The following UBE2E2 variants were observed in gnomAD, a reference collection of about 807,000 sequenced individuals.
UBE2E2 encodes the protein ubiquitin-conjugating enzyme E2 E2.
In UBE2E2, 6 loss-of-function variants were observed where a neutral mutation model predicts 24.7. The ratio of observed to expected loss-of-function variants is 0.24; its 90% confidence interval spans 0.13 to 0.48. The LOEUF (loss-of-function observed/expected upper bound fraction) is 0.48, where lower values mean the gene tolerates loss of function less well. Ranked by LOEUF, UBE2E2 falls within the 20% of genes least tolerant of loss-of-function variation. UBE2E2 has a pLI of 0.99. For missense variants in UBE2E2, 169 were observed against 245.0 expected, an observed-to-expected ratio of 0.69 and a Z score of 2.07; for synonymous variants, 104 against 83.6, an observed-to-expected ratio of 1.24 and a Z score of -1.33.
At position 23,208,550 on chromosome 3, in the gene UBE2E2, A is replaced by T. The variant is rs142834122; in HGVS notation, c.-8-142A>T. 19 of 579,130 alleles carry T rather than the reference A, an allele frequency of 3.3e-5. No individual in the cohort carries two copies. In the East Asian group the frequency reaches 6.5e-4, roughly 20 times the overall value. The allele number at this position is 579,130 out of a possible 1,614,324, so 35.9% of individuals were successfully genotyped here. On this transcript the variant is annotated intron_variant, in intron 1 of 5. Coordinates refer to ENST00000396703, the MANE Select transcript of UBE2E2 (RefSeq NM_152653.4). ...GAAGGAAAAGTTTTAGCAACTCCCA[A>T]AGCTGCATTGTTTTGTAAATGACCA...
intron 3 of UBE2E2, among the ~76,000 whole-genome samples, chr3:23,398,186 G>A (rs1281095990): frequency 2.0e-5 from 3 of 151,912 alleles, no homozygotes; most frequent in South Asian, 2.1e-4. Context: ...GGTGGTGGGC[G>A]CCTGCGATCC....
intron 5 of UBE2E2, among the ~76,000 whole-genome samples, chr3:23,585,930 GT>G (rs1399178663): frequency 1.9e-4 from 28 of 147,340 alleles, no homozygotes; most frequent in Non-Finnish European, 1.3e-4. Context: ...ACCTTTTAGT[GT>G]TGCTAAATTC....
At chr3:23,291,771 C>G (rs1698771185) in intron 3 of UBE2E2, among the ~76,000 whole-genome samples, 1 of 147,996 alleles carries the variant, frequency 6.8e-6, no homozygotes. Flanking sequence ...CAACCTCCGT[C>G]CCCTGGGTTC....
chr3:23,325,214 T>C (rs1384577632), intron 3 of UBE2E2, among the ~76,000 whole-genome samples: 2 of 152,166 alleles, frequency 1.3e-5, no homozygotes, highest in Non-Finnish European at 2.9e-5. Context: ...AATAAAGCTA[T>C]TGTGTGTTTT....
At chr3:23,222,235 T>A (rs1696668446) in intron 3 of UBE2E2, among the ~76,000 whole-genome samples, 1 of 152,234 alleles carries the variant, frequency 6.6e-6, no homozygotes, top group Non-Finnish European at 1.5e-5. Flanking sequence ...ACATTTTCTT[T>A]ATTCATTCAT....
intron 3 of UBE2E2, among the ~76,000 whole-genome samples, chr3:23,245,941 A>T (rs942065592): frequency 3.3e-5 from 5 of 152,238 alleles, no homozygotes; most frequent in Admixed American, 3.3e-4. Flanking sequence ...TAGGTGGATA[A>T]AATGATAAGT....
At chr3:23,282,378 C>T (rs1029651645) in intron 3 of UBE2E2, among the ~76,000 whole-genome samples, 7 of 152,100 alleles carry the variant, frequency 4.6e-5, no homozygotes, top group Non-Finnish European at 7.4e-5. Context: ...AATTGTGTAT[C>T]AGTTTCTATC....
At chr3:23,332,432 T>C (rs1189865790) in intron 3 of UBE2E2, among the ~76,000 whole-genome samples, 1 of 152,172 alleles carries the variant, frequency 6.6e-6, no homozygotes, top group Admixed American at 6.5e-5. Context: ...CCTGGGCATC[T>C]TGCCACTTCT....
intron 2 of UBE2E2, among the ~76,000 whole-genome samples, chr3:23,215,755 A>G (rs1024393594): frequency 2.0e-5 from 3 of 152,060 alleles, no homozygotes; most frequent in African/African-American, 7.2e-5. Context: ...TATGTCCCCT[A>G]CCCACCCAGT....
At chr3:23,430,745 T>A (rs938058174) in intron 3 of UBE2E2, among the ~76,000 whole-genome samples, 1 of 152,192 alleles carries the variant, frequency 6.6e-6, no homozygotes, top group Non-Finnish European at 1.5e-5. Flanking sequence ...GGTCTTGAAC[T>A]CCTTGCCTCA....
intron 5 of UBE2E2, among the ~76,000 whole-genome samples, chr3:23,554,381 G>A (rs1210801799): frequency 6.6e-6 from 1 of 152,148 alleles, no homozygotes; most frequent in African/African-American, 2.4e-5. Flanking sequence ...CAGGCACAGT[G>A]GCTCATGCCT....
chr3:23,238,441 C>T (rs967886728), intron 3 of UBE2E2, among the ~76,000 whole-genome samples: 3 of 152,076 alleles, frequency 2.0e-5, no homozygotes, highest in South Asian at 4.1e-4. Flanking sequence ...TTACATTGTT[C>T]GGGAGAGGCC....
chr3:23,330,027 T>G (rs1695016356), intron 3 of UBE2E2, among the ~76,000 whole-genome samples: 1 of 152,210 alleles, frequency 6.6e-6, no homozygotes, highest in Non-Finnish European at 1.5e-5. Context: ...TTGTTAAAAA[T>G]TTTTATTTCT....
At chr3:23,252,340 G>A (rs1342688883) in intron 3 of UBE2E2, among the ~76,000 whole-genome samples, 1 of 152,066 alleles carries the variant, frequency 6.6e-6, no homozygotes. Context: ...TTAGGATGCT[G>A]TAACAGTGAT....
chr3:23,303,603 G>A (rs1699161302), intron 3 of UBE2E2, among the ~76,000 whole-genome samples: 1 of 152,132 alleles, frequency 6.6e-6, no homozygotes, highest in South Asian at 2.1e-4. Flanking sequence ...TAGGTAATAA[G>A]AATGCATTTA....
At chr3:23,243,595 T>C (rs1314291114) in intron 3 of UBE2E2, among the ~76,000 whole-genome samples, 1 of 152,216 alleles carries the variant, frequency 6.6e-6, no homozygotes, top group Admixed American at 6.5e-5. Flanking sequence ...TAGTACAGTT[T>C]TGTGGCTCAG....
intron 3 of UBE2E2, among the ~76,000 whole-genome samples, chr3:23,442,567 C>G (rs1698331888): frequency 2.0e-5 from 3 of 152,222 alleles, no homozygotes; most frequent in Admixed American, 2.0e-4. Context: ...AATTAAAATG[C>G]CTTACATAAG....
chr3:23,516,479 CA>C (rs1237066205), intron 4 of UBE2E2, among the ~76,000 whole-genome samples: 1 of 151,812 alleles, frequency 6.6e-6, no homozygotes, highest in Non-Finnish European at 1.5e-5. Context: ...GTATCTATAA[CA>C]AAAAAAATCT....
At chr3:23,350,595 G>A (rs1695715426) in intron 3 of UBE2E2, among the ~76,000 whole-genome samples, 1 of 152,300 alleles carries the variant, frequency 6.6e-6, no homozygotes, top group Admixed American at 6.5e-5. Flanking sequence ...GAATACAGAA[G>A]CCTCAGGAGC....
Sources: allele counts gnomAD v4.1 joint callset (sites outside exome capture counted in the v4.1 genomes callset), GRCh38; gene constraint gnomAD v4.1.1; transcripts MANE v1.5; gene names NCBI Gene and HGNC (gene_info 2026-07-23, HGNC 2026-07-21).